The following DOCK3 variants were observed in gnomAD, a reference collection of about 807,000 sequenced individuals.
The protein encoded by DOCK3 is dedicator of cytokinesis 3.
Under a neutral mutation model 265.6 loss-of-function variants are expected in DOCK3, and 60 were observed. The ratio of observed to expected loss-of-function variants is 0.23; its 90% CI spans 0.18 to 0.28. The LOEUF (loss-of-function observed/expected upper bound fraction) is 0.28. Among genes scored for constraint, DOCK3 ranks in the 10% least tolerant of loss-of-function variants. DOCK3 has a pLI of 1.00. For missense variants in DOCK3, 1,981 were observed against 2,594.3 expected (o/e 0.76, Z 5.14); for synonymous variants, 881 against 938.0 (o/e 0.94, Z 1.11).
chr3:50,967,730 C>T (rs924417384), intron 5 of DOCK3, among the ~76,000 whole-genome samples: 7 of 152,038 alleles, frequency 4.6e-5, no homozygotes, highest in South Asian at 2.1e-4. Flanking sequence ...CTTATAAAAC[C>T]GTCAGATCTC....
intron 5 of DOCK3, among the ~76,000 whole-genome samples, chr3:51,014,193 T>C (rs2079063780): frequency 6.6e-6 from 1 of 152,136 alleles, no homozygotes; most frequent in Non-Finnish European, 1.5e-5. Flanking sequence ...CCAGTCCCAA[T>C]GAGATGAATC....
intron 5 of DOCK3, among the ~76,000 whole-genome samples, chr3:50,944,104 T>C (rs978932636): frequency 6.6e-6 from 1 of 152,216 alleles, no homozygotes; most frequent in Non-Finnish European, 1.5e-5. Flanking sequence ...CACTTAAGCT[T>C]CTCTGTATAT....
rs114666658 is a variant in DOCK3 at position 50,759,305 on chromosome 3, T to C, written c.38-19370T>C. Among the ~76,000 whole-genome samples the C allele has an allele frequency of 7.6e-3, 1,152 of 152,298 alleles. 17 individuals are homozygous for C. The highest frequency in any genetic ancestry group is 0.027 in the African/African-American group (1,108 of 41,558). The stretch of plus-strand genomic sequence containing the variant: ...TTGCTATACTGTTTTCCACAGCGGC[T>C]GCACCATTTTACATCCCCACCAGCA... On this transcript the variant is annotated intron_variant, in intron 1 of 52. Coordinates refer to ENST00000266037, the MANE Select transcript of DOCK3 (RefSeq NM_004947.5).
At position 51,256,586 on chromosome 3, in the gene DOCK3, C is replaced by T. The variant is rs1475718495; in HGVS notation, c.2185-3570C>T. On this transcript the variant is annotated intron_variant, in intron 22 of 52. Transcript: ENST00000266037. Reference sequence around the variant, plus strand: ...GCACCCAGCGAAGAGCTTGAGTTTTCGTTTTTGTTTTTTTTTTTTTTTTTT... The same window carrying T: ...GCACCCAGCGAAGAGCTTGAGTTTTTGTTTTTGTTTTTTTTTTTTTTTTTT... Among the ~76,000 whole-genome samples, 7 of 142,516 alleles carry T rather than the reference C, an allele frequency of 4.9e-5. No homozygotes were observed. In the South Asian group the frequency reaches 8.8e-4, roughly 18 times the overall value. 93.5% of individuals were successfully genotyped at this position (142,516 alleles called of 152,430 possible). A position where few individuals can be genotyped will look rare whatever the true frequency, so the allele number is the denominator to read the frequency against.
intron 43 of DOCK3, 51 bp downstream of exon 43, chr3:51,356,544 C>T (rs1377680809): frequency 6.4e-7 from 1 of 1,574,508 alleles, no homozygotes; most frequent in African/African-American, 1.3e-5. Flanking sequence ...CCATCAGCCC[C>T]AGCTCTGGGG....
intron 6 of DOCK3, among the ~76,000 whole-genome samples, chr3:51,068,489 G>A (rs189991072): frequency 2.8e-5 from 4 of 145,438 alleles, no homozygotes; most frequent in Admixed American, 1.4e-4. Flanking sequence ...GCAGTGAGCC[G>A]AGGTTGCGCC....
At chr3:51,233,337 T>G (rs2078208683) in intron 19 of DOCK3, among the ~76,000 whole-genome samples, 1 of 45,762 alleles carries the variant, frequency 2.2e-5, no homozygotes. Flanking sequence ...TATCTATCTA[T>G]CTATCTATCT....
intron 12 of DOCK3, among the ~76,000 whole-genome samples, chr3:51,180,225 A>AAACACAC (rs1553780900): frequency 1.4e-5 from 2 of 145,576 alleles, no homozygotes; most frequent in African/African-American, 5.1e-5. Flanking sequence ...AAAAAAAAAA[A>AAACACAC]ACACACACAC....
chr3:51,175,586 A>G (rs1045452790), intron 12 of DOCK3, among the ~76,000 whole-genome samples: 4 of 152,034 alleles, frequency 2.6e-5, no homozygotes, highest in African/African-American at 4.8e-5. Flanking sequence ...CTCCAGAGGT[A>G]TAGACAGATG....
chr3:50,866,004 C>T (rs563866135), intron 3 of DOCK3, among the ~76,000 whole-genome samples: 5 of 151,830 alleles, frequency 3.3e-5, no homozygotes, highest in East Asian at 1.9e-4. Flanking sequence ...TCAGATTATT[C>T]GATTTTTTTC....
intron 9 of DOCK3, among the ~76,000 whole-genome samples, chr3:51,091,957 G>A (rs1353187333): frequency 6.6e-6 from 1 of 152,118 alleles, no homozygotes; most frequent in Non-Finnish European, 1.5e-5. Context: ...TGAGCCTGAC[G>A]AACTGTGCAC....
At chr3:50,979,202 C>G (rs1416251035) in intron 5 of DOCK3, among the ~76,000 whole-genome samples, 1 of 152,186 alleles carries the variant, frequency 6.6e-6, no homozygotes, top group Non-Finnish European at 1.5e-5. Flanking sequence ...GTGTCTTCTT[C>G]AACTACTTTA....
At chr3:50,699,691 C>T (rs1158643389) in intron 1 of DOCK3, among the ~76,000 whole-genome samples, 9 of 152,082 alleles carry the variant, frequency 5.9e-5, no homozygotes. Context: ...TATCTGTCTT[C>T]TGCAGAGAGG....
At chr3:50,946,423 CTATG>C (rs1233805432) in intron 5 of DOCK3, among the ~76,000 whole-genome samples, 1 of 152,176 alleles carries the variant, frequency 6.6e-6, no homozygotes, top group African/African-American at 2.4e-5. Flanking sequence ...AGTATTTTAA[CTATG>C]TAAGGCTATC....
In DOCK3 at chr3:51,092,878, G is replaced by A. The variant is rs567068914; in HGVS notation, c.746+2494G>A. ...GTATAAGGTGTAAGGAACGGGTTCC[G>A]TTGCAGTTTTCTGCATATGGCTAGC... On this transcript the variant is annotated intron_variant, in intron 9 of 52. Coordinates refer to ENST00000266037, the MANE Select transcript of DOCK3 (RefSeq NM_004947.5). 3.9e-5 allele frequency among the ~76,000 whole-genome samples: 6 copies of A among 152,302 alleles called. 1 individual carries two copies. The highest frequency in any genetic ancestry group is 1.4e-4 in the African/African-American group (6 of 41,556).
intron 1 of DOCK3, among the ~76,000 whole-genome samples, chr3:50,765,066 T>C (rs2040782190): frequency 6.9e-6 from 1 of 145,644 alleles, no homozygotes; most frequent in African/African-American, 2.5e-5. Context: ...GCTGCCACTT[T>C]CTTAGGTTTT....
intron 32 of DOCK3, among the ~76,000 whole-genome samples, chr3:51,326,264 A>AT (rs35044295): frequency 7.3e-5 from 10 of 137,150 alleles, no homozygotes; most frequent in East Asian, 4.2e-4. Flanking sequence ...ATTTTTTTTA[A>AT]TTTTTTTTTT....
At chr3:51,261,618 A>G (rs2079851712) in intron 23 of DOCK3, among the ~76,000 whole-genome samples, 1 of 152,198 alleles carries the variant, frequency 6.6e-6, no homozygotes, top group Non-Finnish European at 1.5e-5. Flanking sequence ...GGTCTAGTTC[A>G]GTGAATCCCA....
At chr3:51,227,540 A>C in intron 16 of DOCK3, 95 bp downstream of exon 16, 1 of 1,519,118 alleles carries the variant, frequency 6.6e-7, no homozygotes. Context: ...TATTTGGGCA[A>C]GAAAATGAAG....
Sources: gnomAD v4.1 joint callset for allele counts (sites outside exome capture counted in the v4.1 genomes callset) on GRCh38, gnomAD v4.1.1 for gene constraint, MANE v1.5 for transcripts, NCBI Gene and HGNC (gene_info 2026-07-23, HGNC 2026-07-21) for gene names.